The following BRIP1 variants were observed in gnomAD, a reference collection of about 807,000 sequenced individuals.
The protein encoded by BRIP1 is Fanconi anemia group J protein.
Under a neutral mutation model 119.7 loss-of-function variants are expected in BRIP1, and 88 were observed. The observed-to-expected ratio is 0.74, with a 90% CI of 0.62 to 0.88. The LOEUF (loss-of-function observed/expected upper bound fraction) is 0.88. Ranked by LOEUF, BRIP1 falls within the 40% of genes least tolerant of loss-of-function variation. BRIP1 has a pLI of 0.00. For missense variants in BRIP1, 1,259 were observed against 1,455.4 expected, an observed-to-expected ratio of 0.87 and a Z score of 2.20; for synonymous variants, 443 against 496.5, an observed-to-expected ratio of 0.89 and a Z score of 1.43.
rs1195197229 is a variant in BRIP1, at chr17:61,744,439, T to G, written c.2250A>C (p.Gly750=). The part of the protein sequence containing the change: ...QVYYDAIKYK[G]EKDGALLVAV... ...GAAATAATTTCCAGTTACCTTTCTC[T>G]CCTTTGTATTTGATTGCGTCATAGT... Residue 750 remains glycine (G), a synonymous_variant, in exon 15 of 20, where the codon GGA becomes GGC. Transcript: ENST00000259008. The surrounding 1 kb of genome is among the most constrained non-coding windows in gnomAD (Gnocchi z 5.0). 6.2e-7 allele frequency: 1 copy of G among 1,613,768 alleles called. No homozygotes were observed. Among genetic ancestry groups the G allele is most frequent in the Non-Finnish European group, 8.5e-7 (1 of 1,179,858 alleles).
At position 61,818,130 on chromosome 17, in the gene BRIP1, A is replaced by G. The variant is rs554156295; in HGVS notation, c.628-9373T>C. 4.6e-4 allele frequency among the ~76,000 whole-genome samples: 64 copies of G among 139,762 alleles called. No individual in the cohort carries two copies. The Middle Eastern group carries it at 0.012, about 26-fold the overall frequency. The allele number at this position is 139,762 out of a possible 152,430, so 91.7% of individuals were successfully genotyped here. On this transcript the variant is annotated intron_variant, in intron 6 of 19. Coordinates refer to ENST00000259008, the MANE Select transcript of BRIP1 (RefSeq NM_032043.3). ...CACTTTGGGAGGCCAAGGCAGGCATATCACTTGTGCTTGGGAGTTCGAGAC... is the reference window on the plus strand; with the variant it reads ...CACTTTGGGAGGCCAAGGCAGGCATGTCACTTGTGCTTGGGAGTTCGAGAC...
intron 6 of BRIP1, among the ~76,000 whole-genome samples, chr17:61,813,376 T>A (rs2078192413): frequency 6.6e-6 from 1 of 152,104 alleles, no homozygotes; most frequent in Admixed American, 6.5e-5. Context: ...TTTCTTTATA[T>A]AGCTCATTCA....
rs778430337 is a variant in BRIP1, at chr17:61,683,865, T to G, written c.3181A>C (p.Asn1061His). ...DKCESSNLTV[N>H]TSFGSCPQSE... ...TGAGGGCATGATCCAAACGATGTGT[T>G]TACTGTCAGATTTGAGGATTCACAT... The change falls in exon 20 of 20, where the codon AAC becomes CAC. Residue 1061 changes from asparagine (N) to histidine (H), a missense_variant. Physicochemically the swap from Asn to His is moderately conservative, Grantham distance 68. Around this residue, in one of 3 missense-constraint regions of BRIP1, gnomAD observed 753 missense variants for 891.8 expected, o/e 0.84. Transcript: ENST00000259008. This position sits in a 1 kb window ranked among gnomAD's most constrained non-coding sequence, Gnocchi z 4.7. 6.2e-7 allele frequency: 1 copy of G among 1,614,214 alleles called. No individual in the cohort carries two copies. Among genetic ancestry groups the G allele is most frequent in the Admixed American group, 1.7e-5 (1 of 60,022 alleles).
rs1166409596 is a variant in BRIP1 at position 61,752,527 on chromosome 17, CA to C, written c.2098-7937del. ...TAGATATTTTTGTCTAATACAAATA[CA>C]AATCATTTCTGTTCAGGAGAAAAGA... On this transcript the variant is annotated intron_variant, in intron 14 of 19. Transcript: ENST00000259008. This position sits in a 1 kb window ranked among gnomAD's most constrained non-coding sequence, Gnocchi z 6.2. Among the ~76,000 whole-genome samples the C allele has an allele frequency of 2.6e-4, 39 of 152,336 alleles. No homozygotes were observed. The highest frequency in any genetic ancestry group is 9.4e-4 in the African/African-American group (39 of 41,578).
rs1295582145 is a variant in BRIP1 at position 61,778,810 on chromosome 17, A to G, written c.1935+1451T>C. On this transcript the variant is annotated intron_variant, in intron 13 of 19. Coordinates refer to ENST00000259008, the MANE Select transcript of BRIP1 (RefSeq NM_032043.3). The surrounding 1 kb of genome is among the most constrained non-coding windows in gnomAD (Gnocchi z 4.4). ...TTTGGAAAGCACAATTCTTAGTTACATAGGAGTAGCATTCTAGGTTCCCAA... is the reference window on the plus strand; with the variant it reads ...TTTGGAAAGCACAATTCTTAGTTACGTAGGAGTAGCATTCTAGGTTCCCAA... Among the ~76,000 whole-genome samples the G allele has an allele frequency of 6.6e-6, 1 of 152,198 alleles. No individual in the cohort carries two copies. The highest frequency in any genetic ancestry group is 1.9e-4 in the East Asian group (1 of 5,182).
rs2077041598 is a variant in BRIP1, at chr17:61,745,026, AG to A, written c.2098-436del. Among the ~76,000 whole-genome samples, 1 of 152,184 alleles carries A rather than the reference AG, an allele frequency of 6.6e-6. No homozygotes were observed. Among genetic ancestry groups the A allele is most frequent in the African/African-American group, 2.4e-5 (1 of 41,460 alleles). ...ACTTTAAGTTCTCTCTTTAAACCTAAGGTGAAGTTTCTTAATATTCTTAAAT... is the reference window on the plus strand; with the variant it reads ...ACTTTAAGTTCTCTCTTTAAACCTAAGTGAAGTTTCTTAATATTCTTAAAT... On this transcript the variant is annotated intron_variant, in intron 14 of 19. Coordinates refer to ENST00000259008, the MANE Select transcript of BRIP1 (RefSeq NM_032043.3). The surrounding 1 kb of genome is among the most constrained non-coding windows in gnomAD (Gnocchi z 4.4).
rs1051402228 is a variant in BRIP1, at chr17:61,832,333, T to C, written c.627+14768A>G. Among the ~76,000 whole-genome samples the C allele has an allele frequency of 3.3e-5, 5 of 152,212 alleles. No homozygotes were observed. Among genetic ancestry groups the C allele is most frequent in the East Asian group, 1.9e-4 (1 of 5,200 alleles). On this transcript the variant is annotated intron_variant, in intron 6 of 19. Coordinates refer to ENST00000259008, the MANE Select transcript of BRIP1 (RefSeq NM_032043.3). This position sits in a 1 kb window ranked among gnomAD's most constrained non-coding sequence, Gnocchi z 5.5. The stretch of plus-strand genomic sequence containing the variant: ...GGAAAATCACAAGTCCATAAAGATA[T>C]AAATAAAATGAGTAAACTGAATTTT...
intron 4 of BRIP1, among the ~76,000 whole-genome samples, chr17:61,855,863 T>C (rs1024325820): frequency 5.3e-5 from 8 of 152,188 alleles, no homozygotes; most frequent in African/African-American, 1.9e-4. Flanking sequence ...ATAAAAGATT[T>C]AGACAGACAC....
rs1297570613 is a variant in BRIP1, at chr17:61,806,268, C to T, written c.918+2199G>A. On this transcript the variant is annotated intron_variant, in intron 7 of 19. Coordinates refer to ENST00000259008, the MANE Select transcript of BRIP1 (RefSeq NM_032043.3). The surrounding 1 kb of genome is among the most constrained non-coding windows in gnomAD (Gnocchi z 4.9). ...TATTTATCATTTCGCTTTGGTAATT[C>T]AGTCAAAGTAAACACAGACACCTAT... Among the ~76,000 whole-genome samples, 1 of 152,156 alleles carries T rather than the reference C, an allele frequency of 6.6e-6. No homozygotes were observed. The highest frequency in any genetic ancestry group is 2.4e-5 in the African/African-American group (1 of 41,422).
At chr17:61,819,134 C>T (rs1356095184) in intron 6 of BRIP1, among the ~76,000 whole-genome samples, 3 of 150,014 alleles carry the variant, frequency 2.0e-5, no homozygotes, top group Non-Finnish European at 3.0e-5. Flanking sequence ...TGCAGCGAGC[C>T]GAGATCATGC....
At chr17:61,772,820 G>GAAA (rs71355193) in intron 14 of BRIP1, among the ~76,000 whole-genome samples, 11,972 of 53,330 alleles carry the variant, frequency 0.22, 1,289 homozygotes, top group Admixed American at 0.31. Flanking sequence ...TTCCATCTCA[G>GAAA]AAAAAAAAAA....
rs2144603423 is a variant in BRIP1, at chr17:61,734,800, AT to A, written c.2379+8212del. ...CTGTATTTTAACTTTTACTTCCATA[AT>A]CTTTCTCAAATTTAAGAAAAAATTT... is the stretch of plus-strand genomic sequence containing the variant. On this transcript the variant is annotated intron_variant, in intron 16 of 19. Coordinates refer to ENST00000259008, the MANE Select transcript of BRIP1 (RefSeq NM_032043.3). This position sits in a 1 kb window ranked among gnomAD's most constrained non-coding sequence, Gnocchi z 5.2. 6.6e-6 allele frequency among the ~76,000 whole-genome samples: 1 copy of A among 152,318 alleles called. No homozygotes were observed. Among genetic ancestry groups the A allele is most frequent in the Admixed American group, 6.5e-5 (1 of 15,306 alleles).
At chr17:61,840,243 A>G (rs57902513) in intron 6 of BRIP1, among the ~76,000 whole-genome samples, 82,956 of 151,368 alleles carry the variant, frequency 0.55, 23,406 homozygotes, top group Non-Finnish European at 0.61. Context: ...CTACTTGAGA[A>G]GCTACTCAAG....
In BRIP1 at chr17:61,693,513, C is replaced by T. The variant is rs786203451; in HGVS notation, c.2493-1G>A. 2 of 1,608,878 alleles carry T rather than the reference C, an allele frequency of 1.2e-6. No homozygotes were observed. Among genetic ancestry groups the T allele is most frequent in the Non-Finnish European group, 1.7e-6 (2 of 1,175,728 alleles). On this transcript the variant is annotated splice_acceptor_variant, in intron 17 of 19. Transcript: ENST00000259008. LOFTEE classifies it high-confidence loss of function. The surrounding 1 kb of genome is among the most constrained non-coding windows in gnomAD (Gnocchi z 4.2). ...CCAATCATTTCTGTGTCTAATACAT[C>T]TAGAAAAAATAGGGAAAAAGTCAAA...
intron 11 of BRIP1, among the ~76,000 whole-genome samples, chr17:61,781,702 C>A (rs1411300735): frequency 6.6e-6 from 1 of 151,954 alleles, no homozygotes; most frequent in Non-Finnish European, 1.5e-5. Flanking sequence ...GCAGGTGGAT[C>A]ACGAGGTCAG....
Position 61,851,325 on chromosome 17 carries a change from C to T in BRIP1, c.380-2069G>A, listed in dbSNP as rs2078819528. 6.6e-6 allele frequency among the ~76,000 whole-genome samples: 1 copy of T among 152,164 alleles called. No individual in the cohort carries two copies. The highest frequency in any genetic ancestry group is 6.5e-5 in the Admixed American group (1 of 15,270). The stretch of plus-strand genomic sequence containing the variant: ...CCACTTTCCCCCTTCCCTTATGAGT[C>T]ATGTTTCTTTCTTTATAAGGTTCTT... On this transcript the variant is annotated intron_variant, in intron 4 of 19. Coordinates refer to ENST00000259008, the MANE Select transcript of BRIP1 (RefSeq NM_032043.3). The surrounding 1 kb of genome is among the most constrained non-coding windows in gnomAD (Gnocchi z 4.6).
rs1286938683 is a variant in BRIP1 at position 61,735,549 on chromosome 17, G to A, written c.2379+7464C>T. 6.6e-6 allele frequency among the ~76,000 whole-genome samples: 1 copy of A among 151,872 alleles called. No homozygotes were observed. Among genetic ancestry groups the A allele is most frequent in the African/African-American group, 2.4e-5 (1 of 41,326 alleles). On this transcript the variant is annotated intron_variant, in intron 16 of 19. Transcript: ENST00000259008. This position sits in a 1 kb window ranked among gnomAD's most constrained non-coding sequence, Gnocchi z 4.4. Reference sequence around the variant, plus strand: ...CACACTTGTAATCCCAGCACTTTGGGAGGCTGACGCGGGTGGATTACTTGA... The same window carrying A: ...CACACTTGTAATCCCAGCACTTTGGAAGGCTGACGCGGGTGGATTACTTGA...
rs2077963640 is a variant in BRIP1, at chr17:61,799,871, T to C, written c.1141-572A>G. 6.6e-6 allele frequency among the ~76,000 whole-genome samples: 1 copy of C among 152,096 alleles called. No individual in the cohort carries two copies. ...GAGAATTGTTCTTCTCCAACTCCCA[T>C]GTGATGCTGGCAGGACTATTAACCT... On this transcript the variant is annotated intron_variant, in intron 8 of 19. Transcript: ENST00000259008. The surrounding 1 kb of genome is among the most constrained non-coding windows in gnomAD (Gnocchi z 5.1).
Position 61,758,415 on chromosome 17 carries a change from C to A in BRIP1, c.2098-13824G>T, listed in dbSNP as rs1030266004. Among the ~76,000 whole-genome samples the A allele has an allele frequency of 9.2e-5, 14 of 152,286 alleles. No individual in the cohort carries two copies. The highest frequency in any genetic ancestry group is 3.4e-4 in the African/African-American group (14 of 41,564). ...AGGGAAGCAGATGAATAAGAAGCAA[C>A]CACTATAATGTTACCTAAAAGTTAC... On this transcript the variant is annotated intron_variant, in intron 14 of 19. Coordinates refer to ENST00000259008, the MANE Select transcript of BRIP1 (RefSeq NM_032043.3). The surrounding 1 kb of genome is among the most constrained non-coding windows in gnomAD (Gnocchi z 5.3).
Sources: allele counts gnomAD v4.1 joint callset (sites outside exome capture counted in the v4.1 genomes callset), GRCh38; gene constraint gnomAD v4.1.1; regional missense constraint gnomAD v4.1.1; non-coding constraint Gnocchi (gnomAD v3.1); transcripts MANE v1.5; gene names NCBI Gene and HGNC (gene_info 2026-07-23, HGNC 2026-07-21).